RFC5: variants seen among roughly 807,000 people sequenced by gnomAD.
RFC5 encodes the protein replication factor C subunit 5.
Under a neutral mutation model 44.3 loss-of-function variants are expected in RFC5, and 26 were observed. The observed-to-expected ratio is 0.59, with a 90% CI of 0.43 to 0.81. The LOEUF is 0.81. Ranked by LOEUF, RFC5 falls within the 40% of genes least tolerant of loss-of-function variation. The pLI is 0.00. For synonymous variants in RFC5, 155 were observed against 155.2 expected (o/e 1.00, Z 0.01); for missense variants, 328 against 418.6 (o/e 0.78, Z 1.89).
At chr12:118,024,253 A>G (rs1780992348) in intron 5 of RFC5, among the ~76,000 whole-genome samples, 1 of 151,540 alleles carries the variant, frequency 6.6e-6, no homozygotes, top group South Asian at 2.1e-4. Flanking sequence ...AGGCAGGAGA[A>G]TCGCTTTAAT....
chr12:118,035,107 G>C (rs751498935), downstream of RFC5: 1 of 1,613,882 alleles, frequency 6.2e-7, no homozygotes, highest in African/African-American at 1.3e-5. Flanking sequence ...GATGGGGAGA[G>C]AGAACATCTG....
At chr12:118,033,401 T>A (rs2031418609), downstream of RFC5, 2 of 152,648 alleles carry the variant, frequency 1.3e-5, no homozygotes, top group Admixed American at 1.3e-4. Flanking sequence ...TACCTTAACA[T>A]CTGTTGAGAA....
downstream of RFC5, chr12:118,036,592 C>A: frequency 7.0e-7 from 1 of 1,432,204 alleles, no homozygotes; most frequent in Non-Finnish European, 9.5e-7. Context: ...GTACCACCAC[C>A]AAATCTGCAG....
At chr12:118,040,992 T>G in the RFC5 span, among the ~76,000 whole-genome samples, 7 of 152,244 alleles carry the variant, frequency 4.6e-5, no homozygotes, top group Non-Finnish European at 8.8e-5. Flanking sequence ...GAGGTTGCAG[T>G]GAGCTGAGAT....
chr12:118,024,843 C>T lies in RFC5; in HGVS notation c.422-8C>T, dbSNP rs761211662. On this transcript the variant is annotated splice_polypyrimidine_tract_variant and splice_region_variant and intron_variant, in intron 5 of 10. Transcript: ENST00000454402. ...TTGACATGAGGTGGTTTTATTTTCT[C>T]TTACTAGTAATTGAGAAATTCACAG... 6.3e-7 allele frequency: 1 copy of T among 1,599,744 alleles called. No homozygotes were observed. The highest frequency in any genetic ancestry group is 8.5e-7 in the Non-Finnish European group (1 of 1,174,088).
the RFC5 span, among the ~76,000 whole-genome samples, chr12:118,040,706 G>A: frequency 6.6e-6 from 1 of 151,548 alleles, no homozygotes; most frequent in Non-Finnish European, 1.5e-5. Flanking sequence ...CTGATCAGCA[G>A]CACATCTTAG....
At chr12:118,036,174 C>G, downstream of RFC5, 2 of 845,074 alleles carry the variant, frequency 2.4e-6, no homozygotes, top group Non-Finnish European at 3.6e-6. Flanking sequence ...TGCACTCCAG[C>G]CTGGGTGACA....
chr12:118,027,671 TAAA>T (rs58896704), intron 8 of RFC5, among the ~76,000 whole-genome samples: 2 of 129,694 alleles, frequency 1.5e-5, no homozygotes, highest in Non-Finnish European at 1.6e-5. Flanking sequence ...GATTCCATCT[TAAA>T]AAAAAAAAAA....
rs2030359867 is a variant in RFC5, at chr12:118,019,774, T to C, written c.267+6T>C. On this transcript the variant is annotated splice_donor_region_variant and intron_variant, in intron 3 of 10. Transcript: ENST00000454402. This position sits in a 1 kb window ranked among gnomAD's most constrained non-coding sequence, Gnocchi z 4.2. ...TTGGCTCCATGGTCTTGGAGGTAAA[T>C]AAGATTGTTCTTACTCTACAAATAA... is the stretch of plus-strand genomic sequence containing the variant. The C allele has an allele frequency of 6.2e-7, 1 of 1,611,708 alleles. No individual in the cohort carries two copies. The highest frequency in any genetic ancestry group is 8.5e-7 in the Non-Finnish European group (1 of 1,178,324).
intron 5 of RFC5, among the ~76,000 whole-genome samples, chr12:118,024,088 T>C (rs5745851): frequency 0.018 from 2,706 of 152,104 alleles, 31 homozygotes; most frequent in Non-Finnish European, 0.02. Flanking sequence ...CAGTGGCTCA[T>C]GCCTGTAATC....
chr12:118,033,513 A>T, downstream of RFC5: 1 of 152,476 alleles, frequency 6.6e-6, no homozygotes, highest in Admixed American at 6.6e-5. Flanking sequence ...TCTGACATAC[A>T]AATTTGTCAT....
downstream of RFC5, chr12:118,032,861 G>A (rs1242310249): frequency 6.6e-6 from 1 of 151,844 alleles, no homozygotes. Flanking sequence ...TTTAAAAGGG[G>A]ACTTTTTTTT....
chr12:118,029,238 G>A (rs939254575), intron 9 of RFC5, among the ~76,000 whole-genome samples: 2 of 152,094 alleles, frequency 1.3e-5, no homozygotes, highest in Admixed American at 1.3e-4. Context: ...TGGGCAACAC[G>A]GTGAAACCGC....
In RFC5 at chr12:118,020,975, A is replaced by G; in HGVS notation, c.337A>G (p.Thr113Ala). The G allele has an allele frequency of 6.2e-7, 1 of 1,600,330 alleles. No homozygotes were observed. Among genetic ancestry groups the G allele is most frequent in the South Asian group, 1.1e-5 (1 of 90,622 alleles). Residue 113 changes from threonine to alanine, a missense_variant, in exon 4 of 11, where the codon ACA (threonine) becomes GCA (alanine). Transcript: ENST00000454402. ...GPILSFASTRTIFKKGFKLVI... is the reference protein window; with the variant it reads ...GPILSFASTRAIFKKGFKLVI... ...GATCCTGAGCTTTGCTAGCACAAGG[A>G]CAATATTTAAGTAAGAATTATTTGT...
At chr12:118,037,068 G>T (rs2031528223), downstream of RFC5, among the ~76,000 whole-genome samples, 1 of 152,180 alleles carries the variant, frequency 6.6e-6, no homozygotes. Context: ...TGTAAGCCCA[G>T]CTATTTGGGA....
chr12:118,035,390 C>T (rs371103196), downstream of RFC5: 75 of 1,477,756 alleles, frequency 5.1e-5, no homozygotes, highest in African/African-American at 8.2e-4. Flanking sequence ...CCATCATCAC[C>T]CTAGGCAGGA....
chr12:118,018,245 T>C (rs575338926), intron 1 of RFC5, among the ~76,000 whole-genome samples: 1 of 152,292 alleles, frequency 6.6e-6, no homozygotes, highest in Non-Finnish European at 1.5e-5. Flanking sequence ...TGGGTAGGAG[T>C]TCAGTTTCAA....
At chr12:118,023,427 GGAA>G (rs1252287820) in intron 5 of RFC5, among the ~76,000 whole-genome samples, 7,993 of 36,426 alleles carry the variant, frequency 0.22, 943 homozygotes, top group East Asian at 0.52. Flanking sequence ...GAGGAGGGGA[GGAA>G]GAGGAGGGGG....
At chr12:118,036,900 G>C (rs942066723), downstream of RFC5, among the ~76,000 whole-genome samples, 1 of 152,168 alleles carries the variant, frequency 6.6e-6, no homozygotes, top group African/African-American at 2.4e-5. Context: ...AAATGTCAGC[G>C]GCCAGGCACG....
Sources: gnomAD v4.1 joint callset for allele counts (sites outside exome capture counted in the v4.1 genomes callset) on GRCh38, gnomAD v4.1.1 for gene constraint, Gnocchi (gnomAD v3.1) non-coding constraint, MANE v1.5 for transcripts, NCBI Gene and HGNC (gene_info 2026-07-23, HGNC 2026-07-21) for gene names.